Variants in MSH4 observed in about 807,000 individuals in gnomAD.
MSH4 encodes mutS homolog 4, also known as mutS protein homolog 4.
A neutral mutation model predicts 113.7 loss-of-function variants in MSH4; 106 were observed. The ratio of observed to expected loss-of-function variants is 0.93; its 90% confidence interval spans 0.80 to 1.10. MSH4 has a LOEUF of 1.10. Ranked by LOEUF, MSH4 falls within the 50% of genes least tolerant of loss-of-function variation. MSH4 has a pLI of 0.00. For synonymous variants in MSH4, 368 were observed against 380.2 expected, an observed-to-expected ratio of 0.97 and a Z score of 0.37; for missense variants, 1,061 against 1,093.7, an observed-to-expected ratio of 0.97 and a Z score of 0.42.
rs113036946 is a variant in MSH4 at position 75,909,470 on chromosome 1, A to ATT, written c.2620-3214_2620-3213dup. Among the ~76,000 whole-genome samples, 19 of 144,114 alleles carry ATT rather than the reference A, an allele frequency of 1.3e-4. No individual in the cohort carries two copies. The East Asian group carries it at 1.4e-3, about 11-fold the overall frequency. 94.5% of individuals were successfully genotyped at this position (144,114 alleles called of 152,430 possible). ...CCATTTTGTTGATATCCAGAATTGT[A>ATT]TTTTTTTTTTTTTAGTATATACTTT... On this transcript the variant is annotated intron_variant, in intron 19 of 19. Coordinates refer to ENST00000263187, the MANE Select transcript of MSH4 (RefSeq NM_002440.4).
chr1:75,841,220 T>C (rs999199394), intron 7 of MSH4, among the ~76,000 whole-genome samples: 1 of 141,272 alleles, frequency 7.1e-6, no homozygotes, highest in African/African-American at 2.5e-5. Flanking sequence ...TCTCTTTCTT[T>C]CACAGGGTCT....
At chr1:75,799,163 C>T (rs1279259264) in intron 1 of MSH4, among the ~76,000 whole-genome samples, 3 of 152,210 alleles carry the variant, frequency 2.0e-5, no homozygotes, top group Non-Finnish European at 2.9e-5. Context: ...GATGCTTGGT[C>T]ACCCACTTAT....
intron 17 of MSH4, among the ~76,000 whole-genome samples, chr1:75,893,164 T>C (rs573215382): frequency 6.6e-6 from 1 of 152,304 alleles, no homozygotes; most frequent in East Asian, 1.9e-4. Context: ...GAAGCATGTG[T>C]GTTACTTTTT....
intron 8 of MSH4, 81 bp downstream of exon 8, chr1:75,848,357 A>G (rs893674589): frequency 1.9e-6 from 2 of 1,036,894 alleles, no homozygotes; most frequent in African/African-American, 3.3e-5. Flanking sequence ...AACAATTGGA[A>G]AATATCAAAA....
Position 75,821,970 on chromosome 1 carries a change from T to A in MSH4, c.990-439T>A, listed in dbSNP as rs543260197. ...ACTGAATTAGAAATTTATGTAATTG[T>A]ATGCACAGTAAAGTTTAAGAATCAT... On this transcript the variant is annotated intron_variant, in intron 6 of 19. Transcript: ENST00000263187. 4.6e-5 allele frequency among the ~76,000 whole-genome samples: 7 copies of A among 152,244 alleles called. No individual in the cohort carries two copies. The South Asian group carries it at 1.0e-3, about 23-fold the overall frequency.
chr1:75,807,140 A>G lies in MSH4; in HGVS notation c.587A>G (p.Lys196Arg). ...SQFADNTTYA[K>R]VITKLKILSP... Reference sequence around the variant, plus strand: ...TTTGCAGACAACACAACATATGCAAAGGTAAGTATTAATAATTCTAGAAAA... The same window carrying G: ...TTTGCAGACAACACAACATATGCAAGGGTAAGTATTAATAATTCTAGAAAA... The change falls in exon 3 of 20, where the codon AAG becomes AGG. Residue 196 changes from lysine to arginine, a missense_variant and splice_region_variant. Physicochemically the swap from Lys to Arg is conservative, Grantham distance 26. Transcript: ENST00000263187. The G allele has an allele frequency of 6.5e-7, 1 of 1,544,558 alleles. No individual in the cohort carries two copies. The highest frequency in any genetic ancestry group is 8.7e-7 in the Non-Finnish European group (1 of 1,155,380).
chr1:75,813,427 G>T (rs80059220), intron 4 of MSH4, among the ~76,000 whole-genome samples: 41,959 of 151,990 alleles, frequency 0.28, 6,064 homozygotes, highest in Middle Eastern at 0.37. Context: ...GATTGTCCCG[G>T]TTTCAGATCT....
intron 7 of MSH4, among the ~76,000 whole-genome samples, chr1:75,840,761 A>C (rs1650941811): frequency 6.6e-6 from 1 of 152,180 alleles, no homozygotes; most frequent in South Asian, 2.1e-4. Flanking sequence ...GCATTCTATA[A>C]GTGTTAGGGA....
At chr1:75,908,349 T>A (rs1453770996) in intron 19 of MSH4, among the ~76,000 whole-genome samples, 1 of 152,096 alleles carries the variant, frequency 6.6e-6, no homozygotes, top group African/African-American at 2.4e-5. Context: ...TTTCACTGTG[T>A]TGGCCATGCT....
At chr1:75,902,189 GC>G (rs1652520380) in intron 19 of MSH4, among the ~76,000 whole-genome samples, 1 of 151,848 alleles carries the variant, frequency 6.6e-6, no homozygotes, top group Non-Finnish European at 1.5e-5. Context: ...TATCCACATT[GC>G]CTATTTTTTG....
At position 75,816,358 on chromosome 1, in the gene MSH4, T is replaced by C; in HGVS notation, c.816-15T>C. 6.4e-7 allele frequency: 1 copy of C among 1,563,304 alleles called. No individual in the cohort carries two copies. The highest frequency in any genetic ancestry group is 8.7e-7 in the Non-Finnish European group (1 of 1,148,078). On this transcript the variant is annotated splice_polypyrimidine_tract_variant and intron_variant, in intron 5 of 19. Transcript: ENST00000263187. Reference sequence around the variant, plus strand: ...ATTAAAGACTTATAGTGATGTATTATTGGTCATCTTTTAGGTATTACTGCC... The same window carrying C: ...ATTAAAGACTTATAGTGATGTATTACTGGTCATCTTTTAGGTATTACTGCC...
Position 75,816,306 on chromosome 1 carries a change from CT to C in MSH4, c.816-65del. The C allele has an allele frequency of 2.8e-6, 3 of 1,076,584 alleles. No individual in the cohort carries two copies. In the East Asian group the frequency reaches 8.7e-5, roughly 31 times the overall value. The allele number at this position is 1,076,584 out of a possible 1,614,324, so 66.7% of individuals were successfully genotyped here. A position where few individuals can be genotyped will look rare whatever the true frequency, so the allele number is the denominator to read the frequency against. ...TGCTATGCAAATATTTATAATTTTT[CT>C]TAAGGGGAAATAGATAATTTTTTAT... On this transcript the variant is annotated intron_variant, in intron 5 of 19. Transcript: ENST00000263187.
chr1:75,903,583 G>A (rs1302119438), intron 19 of MSH4, among the ~76,000 whole-genome samples: 2 of 151,822 alleles, frequency 1.3e-5, no homozygotes, highest in Non-Finnish European at 2.9e-5. Context: ...ATTTTGATAG[G>A]GATTGTATTG....
intron 7 of MSH4, among the ~76,000 whole-genome samples, chr1:75,825,633 G>A (rs977212171): frequency 1.3e-5 from 2 of 152,012 alleles, no homozygotes; most frequent in Admixed American, 1.3e-4. Flanking sequence ...TTTGAGATAT[G>A]TTCCATCAAT....
intron 14 of MSH4, among the ~76,000 whole-genome samples, chr1:75,882,174 A>G (rs1651948704): frequency 6.6e-6 from 1 of 152,080 alleles, no homozygotes; most frequent in South Asian, 2.1e-4. Context: ...TCTCCTTTGC[A>G]TCAAAACTCT....
At chr1:75,874,404 G>A (rs143245541) in intron 9 of MSH4, among the ~76,000 whole-genome samples, 55 of 152,168 alleles carry the variant, frequency 3.6e-4, no homozygotes, top group African/African-American at 1.1e-3. Flanking sequence ...ATTGCACACC[G>A]CACCCTTGAA....
At chr1:75,887,455 AC>A (rs1652150264) in intron 15 of MSH4, among the ~76,000 whole-genome samples, 1 of 151,996 alleles carries the variant, frequency 6.6e-6, no homozygotes, top group African/African-American at 2.4e-5. Context: ...AGACTAATAC[AC>A]CCCAGTAGCT....
intron 7 of MSH4, among the ~76,000 whole-genome samples, chr1:75,847,316 G>T (rs1255340358): frequency 6.6e-6 from 1 of 152,202 alleles, no homozygotes; most frequent in Non-Finnish European, 1.5e-5. Flanking sequence ...GGAGGTAGAT[G>T]TTATCAGCAT....
intron 9 of MSH4, among the ~76,000 whole-genome samples, chr1:75,872,238 A>C (rs1440976192): frequency 6.6e-6 from 1 of 152,216 alleles, no homozygotes; most frequent in African/African-American, 2.4e-5. Flanking sequence ...AGATGTGCCA[A>C]TGGCAAGTTT....
Sources: allele counts gnomAD v4.1 joint callset (sites outside exome capture counted in the v4.1 genomes callset), GRCh38; gene constraint gnomAD v4.1.1; transcripts MANE v1.5; gene names NCBI Gene and HGNC (gene_info 2026-07-23, HGNC 2026-07-21).